Variants in PTPRE observed in about 807,000 individuals in gnomAD.
PTPRE encodes the protein protein tyrosine phosphatase receptor type E.
Under a neutral mutation model 102.0 loss-of-function variants are expected in PTPRE, and 51 were observed. The observed-to-expected ratio is 0.50, with a 90% CI of 0.40 to 0.63. The LOEUF is 0.63. Ranked by LOEUF, PTPRE falls within the 30% of genes least tolerant of loss-of-function variation. PTPRE has a pLI of 0.00. For synonymous variants in PTPRE, 345 were observed against 348.2 expected (o/e 0.99, Z 0.10); for missense variants, 752 against 915.1 (o/e 0.82, Z 2.30).
rs1850141118 is a variant in PTPRE, at chr10:128,066,884, GCACTCA to G, written c.843+693_843+698del. ...GAAATGTGCACACAGGCGCACACAG[GCACTCA>G]CATGCACACGCACACACATACTCCC... On this transcript the variant is annotated intron_variant, in intron 11 of 20. Coordinates refer to ENST00000254667, the MANE Select transcript of PTPRE (RefSeq NM_006504.6). 2.0e-5 allele frequency among the ~76,000 whole-genome samples: 3 copies of G among 152,062 alleles called. No homozygotes were observed. In the South Asian group the frequency reaches 6.2e-4, roughly 32 times the overall value.
intron 1 of PTPRE, among the ~76,000 whole-genome samples, chr10:127,981,490 GT>G (rs545719511): frequency 4.0e-5 from 6 of 150,204 alleles, no homozygotes; most frequent in South Asian, 2.1e-4. Flanking sequence ...CAATAAAACT[GT>G]TTTTTTTTAA....
intron 7 of PTPRE, among the ~76,000 whole-genome samples, chr10:128,058,651 G>A (rs185301343): frequency 2.1e-4 from 32 of 152,296 alleles, no homozygotes; most frequent in Non-Finnish European, 8.8e-5. Flanking sequence ...AGCTCTCAGG[G>A]CTGCTCCACC....
intron 1 of PTPRE, among the ~76,000 whole-genome samples, chr10:127,926,316 C>T (rs886762620): frequency 1.3e-5 from 2 of 152,172 alleles, no homozygotes; most frequent in South Asian, 4.1e-4. Flanking sequence ...TTTTAAAGAG[C>T]ATGTATGATT....
chr10:127,910,491 GT>G (rs1194256325), intron 1 of PTPRE, among the ~76,000 whole-genome samples: 2 of 152,218 alleles, frequency 1.3e-5, no homozygotes, highest in Non-Finnish European at 2.9e-5. Context: ...ACTTGCTCAA[GT>G]AGTTTATCTC....
chr10:128,059,309 C>A (rs982576480), intron 7 of PTPRE, among the ~76,000 whole-genome samples: 1 of 152,208 alleles, frequency 6.6e-6, no homozygotes, highest in Admixed American at 6.5e-5. Context: ...CCCTGGCCAC[C>A]CTGTGTGGGC....
rs762746774 is a variant in PTPRE at position 128,040,999 on chromosome 10, C to A, written c.109+9C>A. The A allele has an allele frequency of 2.5e-6, 4 of 1,612,502 alleles. No individual in the cohort carries two copies. The highest frequency in any genetic ancestry group is 3.4e-6 in the Non-Finnish European group (4 of 1,178,802). On this transcript the variant is annotated intron_variant, in intron 3 of 20. Transcript: ENST00000254667. ...GACAACCACGACCTCAGGTAAGGAC[C>A]CCTTTCCCTGGCTGCCTCCCCTACT...
intron 2 of PTPRE, among the ~76,000 whole-genome samples, chr10:128,025,479 C>T (rs1846227242): frequency 6.6e-6 from 1 of 152,178 alleles, no homozygotes; most frequent in Non-Finnish European, 1.5e-5. Flanking sequence ...TTTTATTGCC[C>T]CACTTTACAG....
At chr10:128,076,067 G>C (rs1048559491) in intron 17 of PTPRE, among the ~76,000 whole-genome samples, 1 of 152,326 alleles carries the variant, frequency 6.6e-6, no homozygotes, top group African/African-American at 2.4e-5. Flanking sequence ...TCAAATTGTT[G>C]CATCGTGATT....
At chr10:127,992,084 C>A (rs1023912809) in intron 2 of PTPRE, among the ~76,000 whole-genome samples, 2 of 152,046 alleles carry the variant, frequency 1.3e-5, no homozygotes, top group Non-Finnish European at 2.9e-5. Context: ...CCCAGTAGAA[C>A]CCAAGAACCT....
intron 6 of PTPRE, among the ~76,000 whole-genome samples, chr10:128,051,808 G>A (rs1848585960): frequency 1.3e-5 from 2 of 152,150 alleles, no homozygotes; most frequent in South Asian, 2.1e-4. Context: ...TCAGGATCAC[G>A]GAGCCTGATC....
At chr10:128,079,467 C>T (rs1851514512) in intron 19 of PTPRE, 93 bp from the exon 20 acceptor site, 3 of 1,449,752 alleles carry the variant, frequency 2.1e-6, no homozygotes, top group Admixed American at 2.2e-5. Flanking sequence ...ATTGTTGCTT[C>T]AGTGCTGATA....
chr10:127,959,707 C>T (rs1849661003), intron 1 of PTPRE, among the ~76,000 whole-genome samples: 1 of 152,218 alleles, frequency 6.6e-6, no homozygotes, highest in Non-Finnish European at 1.5e-5. Flanking sequence ...GGAGTCAGAC[C>T]TTCCCCAGTA....
chr10:127,969,764 C>G (rs61228798), intron 1 of PTPRE, among the ~76,000 whole-genome samples: 31,514 of 151,620 alleles, frequency 0.21, 4,675 homozygotes, highest in African/African-American at 0.41. Flanking sequence ...CAGACTGGGG[C>G]TCTTTTCTGT....
intron 1 of PTPRE, among the ~76,000 whole-genome samples, chr10:127,933,175 C>T (rs1010789031): frequency 5.3e-5 from 8 of 152,194 alleles, no homozygotes; most frequent in Non-Finnish European, 8.8e-5. Context: ...CCCTTCACAA[C>T]GGTACCTGGA....
Position 128,076,670 on chromosome 10 carries a change from A to T in PTPRE, c.1667A>T (p.Lys556Met), listed in dbSNP as rs943593581. 1 of 1,611,762 alleles carries T rather than the reference A, an allele frequency of 6.2e-7. No individual in the cohort carries two copies. Among genetic ancestry groups the T allele is most frequent in the Non-Finnish European group, 8.5e-7 (1 of 1,179,504 alleles). Residue 556 changes from lysine (K) to methionine (M), a missense_variant, in exon 18 of 21, where the codon AAG becomes ATG. By Grantham distance (95) the Lys-to-Met change is moderately conservative. Transcript: ENST00000254667. ...CATGGAGAAATAACGATTGAGATAA[A>T]GAATGATACCCTTTCAGAAGCCATC... ...VTHGEITIEIKNDTLSEAISI... is the reference protein window; with the variant it reads ...VTHGEITIEIMNDTLSEAISI...
rs551898984 is a variant in PTPRE at position 128,003,415 on chromosome 10, G to A, written c.-8+21119G>A. On this transcript the variant is annotated intron_variant, in intron 2 of 20. Transcript: ENST00000254667. Reference sequence around the variant, plus strand: ...GTTTTCCAATACATTAAAAATATTAGCACTGTTGATTCTTTTAGAATCATG... The same window carrying A: ...GTTTTCCAATACATTAAAAATATTAACACTGTTGATTCTTTTAGAATCATG... Among the ~76,000 whole-genome samples the A allele has an allele frequency of 6.6e-4, 100 of 152,190 alleles. 1 individual carries two copies. The highest frequency in any genetic ancestry group is 2.4e-3 in the African/African-American group (98 of 41,508).
intron 2 of PTPRE, among the ~76,000 whole-genome samples, chr10:128,001,917 T>C (rs1364171734): frequency 6.6e-6 from 1 of 152,172 alleles, no homozygotes; most frequent in Non-Finnish European, 1.5e-5. Context: ...TTCTCCTCTC[T>C]CCCGTCCCTC....
At chr10:128,030,760 G>A (rs1316491154) in intron 2 of PTPRE, among the ~76,000 whole-genome samples, 5 of 152,228 alleles carry the variant, frequency 3.3e-5, no homozygotes, top group African/African-American at 7.2e-5. Flanking sequence ...CTGGTCGCCC[G>A]CGTCCTATTC....
Position 128,047,481 on chromosome 10 carries a change from C to A in PTPRE, c.201C>A (p.Tyr67Ter). 1 of 1,613,450 alleles carries A rather than the reference C, an allele frequency of 6.2e-7. No homozygotes were observed. Among genetic ancestry groups the A allele is most frequent in the Non-Finnish European group, 8.5e-7 (1 of 1,180,044 alleles). Residue 67 changes from tyrosine to a stop codon, truncating the protein, a stop_gained, in exon 4 of 21, where the codon TAC becomes TAA. Coordinates refer to ENST00000254667, the MANE Select transcript of PTPRE (RefSeq NM_006504.6). LOFTEE classifies it high-confidence loss of function. ...TCCTCGTGCTCCTTCTCGCCGCCTA[C>A]TTCTTCAGGTAGGAGTGTCCCGGGG... ...LLLLVLLLAA[Y>*]FFRFRKQRKA...
Sources: allele counts gnomAD v4.1 joint callset (sites outside exome capture counted in the v4.1 genomes callset), GRCh38; gene constraint gnomAD v4.1.1; transcripts MANE v1.5; gene names NCBI Gene and HGNC (gene_info 2026-07-23, HGNC 2026-07-21).